Variants in MCPH1 observed in about 807,000 individuals in gnomAD.
MCPH1 encodes microcephalin.
Under a neutral mutation model 84.5 loss-of-function variants are expected in MCPH1, and 104 were observed. The ratio of observed to expected loss-of-function variants is 1.23; its 90% CI spans 1.05 to 1.45. MCPH1 has a LOEUF of 1.45. MCPH1 is among the 40% of genes most tolerant of loss of function. The pLI, the probability that MCPH1 is intolerant of heterozygous loss-of-function variation, is 0.00. For missense variants in MCPH1, 1,498 were observed against 1,005.7 expected, an observed-to-expected ratio of 1.49 and a Z score of -6.62; for synonymous variants, 514 against 366.8, an observed-to-expected ratio of 1.40 and a Z score of -4.58.
At position 6,513,721 on chromosome 8, in the gene MCPH1, A is replaced by G. The variant is rs181918436; in HGVS notation, c.2214+13792A>G. 42 of 1,613,736 alleles carry G rather than the reference A, an allele frequency of 2.6e-5. No homozygotes were observed. In the East Asian group the frequency reaches 7.6e-4, roughly 29 times the overall value. On this transcript the variant is annotated intron_variant, in intron 12 of 13. Transcript: ENST00000344683. ...CTTGAGAGATAGAAATGTTCATACAATGAGTAAGCCTCATTCCCTTCCCAG... is the reference window on the plus strand; with the variant it reads ...CTTGAGAGATAGAAATGTTCATACAGTGAGTAAGCCTCATTCCCTTCCCAG...
At chr8:6,481,459 T>G (rs1364611553) in intron 11 of MCPH1, among the ~76,000 whole-genome samples, 1 of 152,272 alleles carries the variant, frequency 6.6e-6, no homozygotes, top group Non-Finnish European at 1.5e-5. Context: ...GTTCTATTAT[T>G]ACTTTCATCC....
intron 12 of MCPH1, among the ~76,000 whole-genome samples, chr8:6,514,464 C>T (rs991326174): frequency 3.3e-5 from 5 of 152,224 alleles, no homozygotes; most frequent in Admixed American, 2.0e-4. Context: ...GCTGGGATTA[C>T]AGGCGTGAGC....
At chr8:6,444,311 T>C in intron 7 of MCPH1, 82 bp from the exon 8 acceptor site, 1 of 1,520,734 alleles carries the variant, frequency 6.6e-7, no homozygotes, top group Non-Finnish European at 9.0e-7. Context: ...ACTTTAAAAG[T>C]TGTTTTATTG....
At chr8:6,609,542 C>A (rs1201696261) in intron 12 of MCPH1, among the ~76,000 whole-genome samples, 1 of 152,202 alleles carries the variant, frequency 6.6e-6, no homozygotes, top group Non-Finnish European at 1.5e-5. Flanking sequence ...GAATCGCCTT[C>A]AGCGAAAGTC....
chr8:6,625,090 G>T, intron 13 of MCPH1: 1 of 699,794 alleles, frequency 1.4e-6, no homozygotes. Flanking sequence ...GGCCAGGCTG[G>T]TCTCAAACCC....
rs200823026 is a variant in MCPH1 at position 6,445,311 on chromosome 8, A to T, written c.1589A>T (p.Glu530Val). ...GGAAATGGCTTTTCTTACACCATTGAGGACCCTGCTCTTCCAAAAGGACAT... is the reference window on the plus strand; with the variant it reads ...GGAAATGGCTTTTCTTACACCATTGTGGACCCTGCTCTTCCAAAAGGACAT... The part of the protein sequence containing the change: ...PEGNGFSYTI[E>V]DPALPKGHDD... Residue 530 changes from glutamate to valine, a missense_variant, in exon 8 of 14, where the codon GAG becomes GTG. By Grantham distance (121) the Glu-to-Val change is moderately radical. Coordinates refer to ENST00000344683, the MANE Select transcript of MCPH1 (RefSeq NM_024596.5). 575 of 1,614,264 alleles carry T rather than the reference A, an allele frequency of 3.6e-4. No individual in the cohort carries two copies. The highest frequency in any genetic ancestry group is 4.5e-4 in the Non-Finnish European group (530 of 1,180,048).
At chr8:6,592,727 T>A (rs1828597226) in intron 12 of MCPH1, among the ~76,000 whole-genome samples, 2 of 149,248 alleles carry the variant, frequency 1.3e-5, no homozygotes, top group South Asian at 4.3e-4. Flanking sequence ...CTCTGTGGGC[T>A]CACTGCAACC....
chr8:6,442,984 C>T (rs1803742399), intron 7 of MCPH1, among the ~76,000 whole-genome samples: 1 of 152,200 alleles, frequency 6.6e-6, no homozygotes, highest in African/African-American at 2.4e-5. Context: ...TTTTATTTTA[C>T]ACTTGTTACA....
rs1220196042 is a variant in MCPH1 at position 6,455,131 on chromosome 8, C to T, written c.1826-12C>T. Reference sequence around the variant, plus strand: ...AAAGTTCTAACTAATTTTTAATCCCCTTGGGTTTTAGGTGTTAAAAATAGA... The same window carrying T: ...AAAGTTCTAACTAATTTTTAATCCCTTTGGGTTTTAGGTGTTAAAAATAGA... On this transcript the variant is annotated splice_polypyrimidine_tract_variant and intron_variant, in intron 8 of 13. Coordinates refer to ENST00000344683, the MANE Select transcript of MCPH1 (RefSeq NM_024596.5). The T allele has an allele frequency of 6.2e-7, 1 of 1,605,708 alleles. No individual in the cohort carries two copies.
chr8:6,636,308 C>G (rs1797551248), intron 13 of MCPH1, among the ~76,000 whole-genome samples: 1 of 150,752 alleles, frequency 6.6e-6, no homozygotes, highest in Non-Finnish European at 1.5e-5. Flanking sequence ...CCACTGCACT[C>G]CAGCCTGTGT....
chr8:6,449,990 G>A (rs73196779), intron 8 of MCPH1, among the ~76,000 whole-genome samples: 1,683 of 49,830 alleles, frequency 0.034, 25 homozygotes, highest in Non-Finnish European at 0.045. Flanking sequence ...ACTAGCAAAA[G>A]CAGAAAAGTC....
chr8:6,522,924 T>TA lies in MCPH1; in HGVS notation c.2214+23001dup, dbSNP rs779409479. ...TTTTAATGTGGCCCCATTCCTTCTCTAAAAAATCTAACCAGCGCTATGGCA... is the reference window on the plus strand; with the variant it reads ...TTTTAATGTGGCCCCATTCCTTCTCTAAAAAAATCTAACCAGCGCTATGGCA... On this transcript the variant is annotated intron_variant, in intron 12 of 13. Coordinates refer to ENST00000344683, the MANE Select transcript of MCPH1 (RefSeq NM_024596.5). Among the ~76,000 whole-genome samples the TA allele has an allele frequency of 6.6e-4, 100 of 152,258 alleles. 1 individual carries two copies. The highest frequency in any genetic ancestry group is 1.1e-3 in the Non-Finnish European group (77 of 68,012).
chr8:6,489,863 A>C, intron 11 of MCPH1, among the ~76,000 whole-genome samples: 1 of 152,154 alleles, frequency 6.6e-6, no homozygotes, highest in East Asian at 1.9e-4. Flanking sequence ...TAAAAAGTAA[A>C]CTAAGATTAT....
intron 5 of MCPH1, among the ~76,000 whole-genome samples, chr8:6,438,558 G>C (rs1436508835): frequency 6.6e-6 from 1 of 152,180 alleles, no homozygotes; most frequent in African/African-American, 2.4e-5. Flanking sequence ...GGGTAGGAGT[G>C]ATGGTTCATG....
chr8:6,636,493 T>A (rs906353827), intron 13 of MCPH1, among the ~76,000 whole-genome samples: 3 of 152,154 alleles, frequency 2.0e-5, no homozygotes, highest in Non-Finnish European at 2.9e-5. Flanking sequence ...GTTTGTTTAT[T>A]TTTTGAAACA....
intron 12 of MCPH1, among the ~76,000 whole-genome samples, chr8:6,581,876 G>A (rs374531615): frequency 2.2e-4 from 33 of 152,182 alleles, no homozygotes; most frequent in African/African-American, 6.7e-4. Flanking sequence ...CCTTCTCTGC[G>A]TCCTCACATG....
At chr8:6,433,744 T>G (rs955730196) in intron 4 of MCPH1, among the ~76,000 whole-genome samples, 1 of 152,088 alleles carries the variant, frequency 6.6e-6, no homozygotes, top group African/African-American at 2.4e-5. Flanking sequence ...CTTGTACACT[T>G]TACCACTTTA....
At position 6,627,406 on chromosome 8, in the gene MCPH1, T is replaced by G. The variant is rs997469260; in HGVS notation, c.2452+5715T>G. 33 of 505,982 alleles carry G rather than the reference T, an allele frequency of 6.5e-5. No individual in the cohort carries two copies. The African/African-American group carries it at 6.7e-4, about 10-fold the overall frequency. 31.3% of individuals were successfully genotyped at this position (505,982 alleles called of 1,614,324 possible). ...GCCTCATTTTATCCCCACCCAGGTT[T>G]CCACACCCAGGAGCTCAGCAACCGC... On this transcript the variant is annotated intron_variant, in intron 13 of 13. Coordinates refer to ENST00000344683, the MANE Select transcript of MCPH1 (RefSeq NM_024596.5).
chr8:6,559,063 T>C (rs1825098306), intron 12 of MCPH1, among the ~76,000 whole-genome samples: 1 of 152,162 alleles, frequency 6.6e-6, no homozygotes, highest in Admixed American at 6.5e-5. Flanking sequence ...ACTCAGGATG[T>C]AGCCAGCGGA....
Sources: gnomAD v4.1 joint callset for allele counts (sites outside exome capture counted in the v4.1 genomes callset) on GRCh38, gnomAD v4.1.1 for gene constraint, MANE v1.5 for transcripts, NCBI Gene and HGNC (gene_info 2026-07-23, HGNC 2026-07-21) for gene names.